TMEM164: variants seen among roughly 807,000 people sequenced by gnomAD.
The protein encoded by TMEM164 is RP13-360B22.2.
TMEM164 carries 4 observed loss-of-function variants against 18.8 expected under a neutral mutation model. That is an observed-to-expected ratio of 0.21 (90% CI 0.10 to 0.49). The LOEUF is 0.49. Among genes scored for constraint, TMEM164 ranks in the 20% least tolerant of loss-of-function variants. The pLI, the probability that TMEM164 is intolerant of heterozygous loss-of-function variation, is 0.98. For synonymous variants in TMEM164, 86 were observed against 101.7 expected, an observed-to-expected ratio of 0.85 and a Z score of 0.93; for missense variants, 108 against 239.9, an observed-to-expected ratio of 0.45 and a Z score of 3.63.
In TMEM164 at chrX:110,020,705, C is replaced by T. The variant is rs188678037; in HGVS notation, c.390+16541C>T. ...TTTACAGGCTGGTCCCTGTGGCCAG[C>T]CACCCCACCCACTTTAAAATATTTA... On this transcript the variant is annotated intron_variant, in intron 2 of 6. Transcript: ENST00000372068. 1.3e-5 allele frequency: 10 copies of T among 748,139 alleles called. No individual in the cohort carries two copies. In the African/African-American group the frequency reaches 2.1e-4, roughly 16 times the overall value. The allele number at this position is 748,139 out of a possible 1,213,427, so 61.7% of individuals were successfully genotyped here.
In TMEM164 at chrX:110,062,431, A is replaced by G. The variant is rs980554194; in HGVS notation, c.391-4916A>G. Among the ~76,000 whole-genome samples the G allele has an allele frequency of 6.3e-5, 7 of 111,971 alleles. No homozygotes were observed. The Admixed American group carries it at 6.6e-4, about 11-fold the overall frequency. On this transcript the variant is annotated intron_variant, in intron 2 of 6. Coordinates refer to ENST00000372068, the MANE Select transcript of TMEM164 (RefSeq NM_032227.4). ...GATAATGACCTGTTTGTCAGGTTGC[A>G]GCAGAAAACAGATCCTTGTATATTG...
intron 2 of TMEM164, among the ~76,000 whole-genome samples, chrX:110,050,860 G>T (rs1179265774): frequency 8.9e-6 from 1 of 112,427 alleles, no homozygotes; most frequent in Admixed American, 9.4e-5. Flanking sequence ...CTAATTCAGG[G>T]TTGCTTTCAG....
At chrX:110,050,846 A>T (rs1167641420) in intron 2 of TMEM164, among the ~76,000 whole-genome samples, 1 of 112,403 alleles carries the variant, frequency 8.9e-6, no homozygotes, top group Non-Finnish European at 1.9e-5. Flanking sequence ...TAAGGGTTTA[A>T]TTGCTAATTC....
At chrX:110,020,961 C>G (rs1328577801) in intron 2 of TMEM164, among the ~76,000 whole-genome samples, 2 of 82,974 alleles carry the variant, frequency 2.4e-5, no homozygotes, top group African/African-American at 9.4e-5. Flanking sequence ...AGAGAAACCC[C>G]TTTTTCTAAA....
chrX:110,015,971 G>A (rs1003502506), intron 2 of TMEM164, among the ~76,000 whole-genome samples: 1 of 112,567 alleles, frequency 8.9e-6, no homozygotes, highest in Non-Finnish European at 1.9e-5. Flanking sequence ...GAATTTCAGG[G>A]GGGTATTGTC....
chrX:110,034,526 G>C (rs990344157), intron 2 of TMEM164, among the ~76,000 whole-genome samples: 3 of 112,420 alleles, frequency 2.7e-5, no homozygotes, highest in Non-Finnish European at 3.8e-5. Flanking sequence ...CAGTATGTGA[G>C]TGAATGTGTG....
At chrX:110,025,097 G>C (rs1397016415) in intron 2 of TMEM164, among the ~76,000 whole-genome samples, 1 of 110,460 alleles carries the variant, frequency 9.1e-6, no homozygotes, top group East Asian at 2.8e-4. Context: ...AAGGCTCTGA[G>C]GGCTTGTCCC....
intron 5 of TMEM164, among the ~76,000 whole-genome samples, chrX:110,158,445 G>A (rs1260978336): frequency 1.8e-5 from 2 of 112,002 alleles, no homozygotes; most frequent in Non-Finnish European, 3.8e-5. Context: ...AGGGATGTTT[G>A]AGGGGTTCTG....
chrX:110,014,279 A>G (rs1569293705), intron 2 of TMEM164, among the ~76,000 whole-genome samples: 1 of 110,974 alleles, frequency 9.0e-6, no homozygotes, highest in Non-Finnish European at 1.9e-5. Context: ...GGGATTTGAT[A>G]CAGGAAAGCT....
At chrX:110,043,908 A>T (rs1427890475) in intron 2 of TMEM164, among the ~76,000 whole-genome samples, 1 of 112,120 alleles carries the variant, frequency 8.9e-6, no homozygotes, top group Non-Finnish European at 1.9e-5. Context: ...GCCAGTGTGT[A>T]TAGCTCTACT....
chrX:110,091,960 T>C (rs1389958830), intron 3 of TMEM164, among the ~76,000 whole-genome samples: 1 of 112,231 alleles, frequency 8.9e-6, no homozygotes, highest in Non-Finnish European at 1.9e-5. Flanking sequence ...ATTTATTAAA[T>C]AGGTAATCCT....
chrX:110,069,750 A>G (rs1036858785), intron 3 of TMEM164, among the ~76,000 whole-genome samples: 2 of 110,388 alleles, frequency 1.8e-5, no homozygotes, highest in African/African-American at 6.6e-5. Context: ...ATATATTTCC[A>G]TATAATTGTT....
intron 3 of TMEM164, among the ~76,000 whole-genome samples, chrX:110,070,606 C>A (rs911970391): frequency 4.5e-5 from 5 of 110,313 alleles, no homozygotes; most frequent in Non-Finnish European, 9.5e-5. Context: ...GCTTTTCTGC[C>A]AGGTGCAGTG....
chrX:110,171,786 A>G (rs886084087), intron 6 of TMEM164, among the ~76,000 whole-genome samples: 5 of 112,131 alleles, frequency 4.5e-5, no homozygotes, highest in Non-Finnish European at 7.5e-5. Context: ...TGGGTCGGAA[A>G]CAATGAGCTG....
At chrX:110,170,412 C>T (rs1002817077) in intron 5 of TMEM164, among the ~76,000 whole-genome samples, 5 of 112,779 alleles carry the variant, frequency 4.4e-5, no homozygotes, top group African/African-American at 1.6e-4. Context: ...TTGGAATACA[C>T]AAGGTGCCTC....
downstream of TMEM164, among the ~76,000 whole-genome samples, chrX:110,179,466 C>T (rs1244478722): frequency 8.9e-6 from 1 of 112,354 alleles, no homozygotes. Context: ...ACCCCACACT[C>T]CCAAAAGAAG....
At chrX:110,061,537 A>G (rs765858522) in intron 2 of TMEM164, among the ~76,000 whole-genome samples, 2 of 112,219 alleles carry the variant, frequency 1.8e-5, no homozygotes, top group South Asian at 7.3e-4. Flanking sequence ...TGTGGACATT[A>G]CCAAATACAT....
intron 3 of TMEM164, among the ~76,000 whole-genome samples, chrX:110,101,862 C>T (rs1272053272): frequency 1.8e-5 from 2 of 109,899 alleles, no homozygotes; most frequent in African/African-American, 6.6e-5. Context: ...GGATTACAGG[C>T]GCGAGGCACT....
intron 2 of TMEM164, among the ~76,000 whole-genome samples, chrX:110,044,363 C>T (rs777138268): frequency 8.9e-6 from 1 of 111,843 alleles, no homozygotes; most frequent in African/African-American, 3.2e-5. Flanking sequence ...AATTTCCCCT[C>T]ATCTGTTCCT....
Sources: gnomAD v4.1 joint callset for allele counts (sites outside exome capture counted in the v4.1 genomes callset) on GRCh38, gnomAD v4.1.1 for gene constraint, MANE v1.5 for transcripts, NCBI Gene and HGNC (gene_info 2026-07-23, HGNC 2026-07-21) for gene names.